CDH12: variants seen among roughly 807,000 people sequenced by gnomAD.
CDH12 encodes cadherin 12, also known as cadherin-12.
In CDH12, 41 loss-of-function variants were observed where a neutral mutation model predicts 74.1. That is an observed-to-expected ratio of 0.55 (90% CI 0.43 to 0.72). CDH12 has a LOEUF of 0.72. CDH12 is among the 30% of genes least tolerant of loss of function. The pLI is 0.00. For synonymous variants in CDH12, 399 were observed against 355.0 expected (o/e 1.12, Z -1.39); for missense variants, 945 against 977.2 (o/e 0.97, Z 0.44).
intron 5 of CDH12, among the ~76,000 whole-genome samples, chr5:22,063,933 C>A (rs1349533876): frequency 6.6e-6 from 1 of 151,614 alleles, no homozygotes; most frequent in Non-Finnish European, 1.5e-5. Flanking sequence ...TTACATGAGT[C>A]AGTTTCTTAA....
At chr5:22,437,403 A>G (rs1398478828) in intron 2 of CDH12, among the ~76,000 whole-genome samples, 2 of 151,904 alleles carry the variant, frequency 1.3e-5, no homozygotes, top group Non-Finnish European at 2.9e-5. Context: ...AATATTACTT[A>G]ATACAAACTA....
chr5:22,070,816 T>C (rs762104161), intron 5 of CDH12, among the ~76,000 whole-genome samples: 27 of 152,220 alleles, frequency 1.8e-4, no homozygotes, highest in Non-Finnish European at 3.5e-4. Context: ...AACAAGATCA[T>C]GTCCTTTGCA....
intron 6 of CDH12, among the ~76,000 whole-genome samples, chr5:21,920,512 A>G (rs1754300443): frequency 6.6e-6 from 1 of 151,950 alleles, no homozygotes; most frequent in Non-Finnish European, 1.5e-5. Flanking sequence ...GGAACATCAC[A>G]CACCGGGGCC....
chr5:21,878,574 C>CAAAAA (rs55681202), intron 6 of CDH12, among the ~76,000 whole-genome samples: 17 of 119,728 alleles, frequency 1.4e-4, no homozygotes, highest in African/African-American at 4.8e-4. Flanking sequence ...ACCAAAAATA[C>CAAAAA]AAAAAAAAAA....
chr5:22,562,888 ATATT>A (rs924250622), intron 1 of CDH12, among the ~76,000 whole-genome samples: 20 of 148,364 alleles, frequency 1.3e-4, no homozygotes, highest in African/African-American at 4.9e-4. Flanking sequence ...TTAAATTTAT[ATATT>A]TAAATATAGA....
intron 1 of CDH12, among the ~76,000 whole-genome samples, chr5:22,650,255 A>G (rs1739662696): frequency 6.6e-6 from 1 of 151,996 alleles, no homozygotes; most frequent in East Asian, 1.9e-4. Flanking sequence ...GCACACAGGA[A>G]ACTTCAGAGG....
chr5:22,753,555 G>T (rs933784007), intron 1 of CDH12, among the ~76,000 whole-genome samples: 2 of 146,192 alleles, frequency 1.4e-5, no homozygotes, highest in African/African-American at 5.1e-5. Flanking sequence ...GATCTAGTAT[G>T]CTTTGAAAGA....
chr5:22,174,259 T>G (rs1749206962), intron 4 of CDH12, among the ~76,000 whole-genome samples: 1 of 151,976 alleles, frequency 6.6e-6, no homozygotes, highest in South Asian at 2.1e-4. Context: ...ACTTCTCTTG[T>G]ATTTCTTTCA....
At chr5:22,712,321 T>C (rs890690776) in intron 1 of CDH12, among the ~76,000 whole-genome samples, 1 of 152,124 alleles carries the variant, frequency 6.6e-6, no homozygotes, top group Admixed American at 6.6e-5. Context: ...TATTCATTGG[T>C]ACTAATAAAA....
intron 1 of CDH12, among the ~76,000 whole-genome samples, chr5:22,711,542 C>T (rs1743288315): frequency 6.6e-6 from 1 of 152,036 alleles, no homozygotes. Context: ...TCTTAAGTAT[C>T]CTGCAAGTTC....
intron 2 of CDH12, among the ~76,000 whole-genome samples, chr5:22,450,411 T>C (rs1338858990): frequency 1.3e-5 from 2 of 151,894 alleles, no homozygotes; most frequent in African/African-American, 4.8e-5. Flanking sequence ...TTCTCAATCT[T>C]GAAAAAGGAC....
At chr5:22,756,337 C>A (rs1393551072) in intron 1 of CDH12, among the ~76,000 whole-genome samples, 3 of 151,928 alleles carry the variant, frequency 2.0e-5, no homozygotes, top group Non-Finnish European at 4.4e-5. Flanking sequence ...CCTTTAGAAA[C>A]CTTTATTTAG....
intron 1 of CDH12, among the ~76,000 whole-genome samples, chr5:22,529,161 A>AGG: frequency 8.9e-6 from 1 of 112,900 alleles, no homozygotes; most frequent in East Asian, 2.7e-4. Flanking sequence ...ATATATACAC[A>AGG]TGTGTATATA....
chr5:22,626,140 C>A (rs1002870850), intron 1 of CDH12, among the ~76,000 whole-genome samples: 19 of 152,156 alleles, frequency 1.2e-4, no homozygotes, highest in African/African-American at 4.6e-4. Context: ...GGCACCCTAC[C>A]CCCCCCAACA....
chr5:21,783,800 C>T (rs986462110), intron 10 of CDH12, among the ~76,000 whole-genome samples: 1 of 152,060 alleles, frequency 6.6e-6, no homozygotes, highest in Admixed American at 6.6e-5. Context: ...AATATTAAAA[C>T]TTTTTCAAGC....
At chr5:22,115,244 G>T (rs1396662504) in intron 4 of CDH12, among the ~76,000 whole-genome samples, 1 of 152,126 alleles carries the variant, frequency 6.6e-6, no homozygotes. Flanking sequence ...TTAACCAAAA[G>T]ACTACGTTGT....
At chr5:22,483,748 C>CTATATATATATATATATATATATATATA (rs573933210) in intron 2 of CDH12, among the ~76,000 whole-genome samples, 854 of 22,690 alleles carry the variant, frequency 0.038, 278 homozygotes, top group Admixed American at 0.088. Flanking sequence ...TCTTTCAAAA[C>CTATATATATATATATATATATATATATA]TATATATATA....
chr5:21,969,382 C>A (rs555759225), intron 6 of CDH12, among the ~76,000 whole-genome samples: 1 of 152,190 alleles, frequency 6.6e-6, no homozygotes, highest in East Asian at 1.9e-4. Context: ...TTCTTGTATT[C>A]GCGTTGCACT....
chr5:22,717,103 A>G (rs1352246650), intron 1 of CDH12, among the ~76,000 whole-genome samples: 1 of 152,120 alleles, frequency 6.6e-6, no homozygotes, highest in African/African-American at 2.4e-5. Flanking sequence ...AGTGTAGCCC[A>G]AGCAGTGTTG....
Sources: gnomAD v4.1 joint callset for allele counts (sites outside exome capture counted in the v4.1 genomes callset) on GRCh38, gnomAD v4.1.1 for gene constraint, MANE v1.5 for transcripts, NCBI Gene and HGNC (gene_info 2026-07-23, HGNC 2026-07-21) for gene names.